The following TRMT2A variants were observed in gnomAD, a reference collection of about 807,000 sequenced individuals.
TRMT2A encodes the protein tRNA (uracil-5-)-methyltransferase homolog A.
Under a neutral mutation model 59.3 loss-of-function variants are expected in TRMT2A, and 60 were observed. The observed-to-expected ratio is 1.01, with a 90% CI of 0.82 to 1.26. The LOEUF is 1.26. Ranked by LOEUF, TRMT2A falls within the 50% of genes most tolerant of loss-of-function variation. The pLI is 0.00. For synonymous variants in TRMT2A, 403 were observed against 353.7 expected (o/e 1.14, Z -1.56); for missense variants, 863 against 845.2 (o/e 1.02, Z -0.26).
intron 1 of TRMT2A, 58 bp from the exon 2 acceptor site, chr22:20,116,670 C>G: frequency 6.7e-7 from 1 of 1,503,660 alleles, no homozygotes; most frequent in Non-Finnish European, 8.9e-7. Flanking sequence ...GCCTGGCCCC[C>G]CAAGCTTCCT....
intron 7 of TRMT2A, among the ~76,000 whole-genome samples, chr22:20,114,122 A>G (rs114430300): frequency 1.4e-3 from 213 of 151,998 alleles, no homozygotes; most frequent in African/African-American, 5.0e-3. Context: ...GCCTCCCACA[A>G]CTCACACCGG....
In TRMT2A at chr22:20,115,718, T is replaced by C. The variant is rs1568973506; in HGVS notation, c.662A>G (p.Asn221Ser). Residue 221 changes from asparagine to serine, a missense_variant, in exon 3 of 12, where the codon AAC (asparagine) becomes AGC (serine). Asn to Ser is a conservative substitution (Grantham distance 46, BLOSUM62 1). Coordinates refer to ENST00000252136, the MANE Select transcript of TRMT2A (RefSeq NM_022727.6). ...PWLLEQRHKHNKACCPLEGVR... is the reference protein window; with the variant it reads ...PWLLEQRHKHSKACCPLEGVR... ...CCCCTCCAGCGGGCAGCAGGCCTTGTTGTGCTTGTGCCTCTGCTCGAGCAG... is the reference window on the plus strand; with the variant it reads ...CCCCTCCAGCGGGCAGCAGGCCTTGCTGTGCTTGTGCCTCTGCTCGAGCAG... 3 of 1,613,006 alleles carry C rather than the reference T, an allele frequency of 1.9e-6. No individual in the cohort carries two copies. The highest frequency in any genetic ancestry group is 1.7e-6 in the Non-Finnish European group (2 of 1,179,988).
chr22:20,114,465 G>A (rs1352988491), intron 7 of TRMT2A, 109 bp downstream of exon 7: 1 of 922,366 alleles, frequency 1.1e-6, no homozygotes, highest in African/African-American at 1.6e-5. Flanking sequence ...TCACCTGCCT[G>A]GATACTCCCC....
At position 20,112,260 on chromosome 22, in the gene TRMT2A, G is replaced by C. The variant is rs1203843105; in HGVS notation, c.*303C>G. The C allele has an allele frequency of 2.3e-6, 1 of 427,486 alleles. No homozygotes were observed. The highest frequency in any genetic ancestry group is 2.0e-5 in the African/African-American group (1 of 50,198). 26.5% of individuals were successfully genotyped at this position (427,486 alleles called of 1,614,324 possible). Reference sequence around the variant, plus strand: ...GTTTGGCCCTTTCCCTGGCACCCAGGCCCTGTGTTCAGACCCCTGGCTCTC... The same window carrying C: ...GTTTGGCCCTTTCCCTGGCACCCAGCCCCTGTGTTCAGACCCCTGGCTCTC... On this transcript the variant is annotated 3_prime_UTR_variant, in exon 12 of 12. Coordinates refer to ENST00000252136, the MANE Select transcript of TRMT2A (RefSeq NM_022727.6).
At position 20,115,012 on chromosome 22, in the gene TRMT2A, T is replaced by C; in HGVS notation, c.958A>G (p.Thr320Ala). ...GCCATGGCCTGGTGGCGGCGGCTGG[T>C]GCGCACAGTCAGCTGCTTCCAGTGG... The part of the protein sequence containing the change: ...TGHWKQLTVR[T>A]SRRHQAMAIA... Residue 320 changes from threonine (T) to alanine (A), a missense_variant, in exon 5 of 12, where the codon ACC (threonine) becomes GCC (alanine). Coordinates refer to ENST00000252136, the MANE Select transcript of TRMT2A (RefSeq NM_022727.6). The C allele has an allele frequency of 6.3e-7, 1 of 1,597,954 alleles. No homozygotes were observed. Among genetic ancestry groups the C allele is most frequent in the Non-Finnish European group, 8.5e-7 (1 of 1,174,734 alleles).
Position 20,112,449 on chromosome 22 carries a change from G to C in TRMT2A, c.*114C>G. The C allele has an allele frequency of 1.5e-6, 2 of 1,328,510 alleles. No individual in the cohort carries two copies. The highest frequency in any genetic ancestry group is 1.0e-6 in the Non-Finnish European group (1 of 982,528). The allele number at this position is 1,328,510 out of a possible 1,614,324, so 82.3% of individuals were successfully genotyped here. A position where few individuals can be genotyped will look rare whatever the true frequency, so the allele number is the denominator to read the frequency against. ...CAGGCCAATCCTGGTGGGGCACAGG[G>C]TTCTGTGCCCTTTGGCTGCCTACCT... On this transcript the variant is annotated 3_prime_UTR_variant, in exon 12 of 12. Transcript: ENST00000252136.
chr22:20,114,923 C>T, intron 5 of TRMT2A, 42 bp downstream of exon 5: 3 of 1,568,256 alleles, frequency 1.9e-6, no homozygotes, highest in Non-Finnish European at 2.6e-6. Context: ...CTGAGGCCCA[C>T]CTAGGCTAGG....
intron 7 of TRMT2A, 27 bp from the exon 8 acceptor site, chr22:20,113,835 C>A: frequency 6.5e-7 from 1 of 1,534,000 alleles, no homozygotes; most frequent in South Asian, 1.2e-5. Flanking sequence ...CCCAGGATGT[C>A]AGTGGCTCCT....
chr22:20,112,393 C>G lies in TRMT2A; in HGVS notation c.*170G>C. ...CAACAGGCTACAGGAACCCACCTGTCTTCCTGGTCAGGGCCCCTGGCCCCT... is the reference window on the plus strand; with the variant it reads ...CAACAGGCTACAGGAACCCACCTGTGTTCCTGGTCAGGGCCCCTGGCCCCT... On this transcript the variant is annotated 3_prime_UTR_variant, in exon 12 of 12. Transcript: ENST00000252136. 1.1e-6 allele frequency: 1 copy of G among 871,452 alleles called. No homozygotes were observed. The highest frequency in any genetic ancestry group is 2.7e-5 in the East Asian group (1 of 37,356). The allele number at this position is 871,452 out of a possible 1,614,324, so 54.0% of individuals were successfully genotyped here.
chr22:20,117,106 TC>T lies in TRMT2A; in HGVS notation c.-201del. ...GGGGCGGGACTCGAACCTGCGATGC[TC>T]AGGTCCGGGTCTCAGGCTTGGGGCT... On this transcript the variant is annotated 5_prime_UTR_variant, in exon 1 of 12. Transcript: ENST00000252136. 1 of 697,386 alleles carries T rather than the reference TC, an allele frequency of 1.4e-6. No homozygotes were observed. The highest frequency in any genetic ancestry group is 2.4e-6 in the Non-Finnish European group (1 of 423,536). 43.2% of individuals were successfully genotyped at this position (697,386 alleles called of 1,614,324 possible).
Position 20,114,801 on chromosome 22 carries a change from T to C in TRMT2A, c.1081A>G (p.Ser361Gly). The change falls in exon 6 of 12, where the codon AGT becomes GGT. Residue 361 changes from serine (S) to glycine (G), a missense_variant. Coordinates refer to ENST00000252136, the MANE Select transcript of TRMT2A (RefSeq NM_022727.6). ...QHFTAGPGRA[S>G]GVTCLYFVEE... is the part of the protein sequence containing the mutation. The stretch of plus-strand genomic sequence containing the variant: ...ACGAAGTAGAGGCAGGTCACTCCAC[T>C]GGCCCTGCCTGGCCCTGCTGTGAAG... The C allele has an allele frequency of 6.2e-7, 1 of 1,609,424 alleles. No homozygotes were observed. The highest frequency in any genetic ancestry group is 8.5e-7 in the Non-Finnish European group (1 of 1,179,054).
intron 2 of TRMT2A, 111 bp downstream of exon 2, chr22:20,115,927 A>G (rs2049999962): frequency 7.7e-6 from 11 of 1,422,290 alleles, no homozygotes; most frequent in South Asian, 2.8e-5. Context: ...CTAGCTCCCA[A>G]AGGGGCCGCC....
rs2050046105 is a variant in TRMT2A at position 20,116,964 on chromosome 22, G to T, written c.-58C>A. On this transcript the variant is annotated 5_prime_UTR_variant, in exon 1 of 12. Transcript: ENST00000252136. ...GCCATGGGGGCCGCCTGGCCACCTCGTCCTGGGCCTGTCACAAGGGAAGTG... is the reference window on the plus strand; with the variant it reads ...GCCATGGGGGCCGCCTGGCCACCTCTTCCTGGGCCTGTCACAAGGGAAGTG... 8 of 1,560,736 alleles carry T rather than the reference G, an allele frequency of 5.1e-6. 1 individual carries two copies. Among genetic ancestry groups the T allele is most frequent in the South Asian group, 2.4e-5 (2 of 85,014 alleles).
At chr22:20,116,833 CCT>C in intron 1 of TRMT2A, 48 bp downstream of exon 1, 1 of 1,527,692 alleles carries the variant, frequency 6.5e-7, no homozygotes, top group Non-Finnish European at 9.0e-7. Flanking sequence ...ACCCACCCCG[CCT>C]CCTCCCACCC....
chr22:20,116,484 T>C lies in TRMT2A; in HGVS notation c.153A>G (p.Thr51=). 6.2e-7 allele frequency: 1 copy of C among 1,612,824 alleles called. No homozygotes were observed. ...EVEKEGAGAA[T]GPGPQPGLYS... is the part of the protein sequence containing the mutation. ...AGAGCCCGGGCTGAGGCCCCGGCCCTGTAGCCGCCCCAGCGCCCTCTTTCT... is the reference window on the plus strand; with the variant it reads ...AGAGCCCGGGCTGAGGCCCCGGCCCCGTAGCCGCCCCAGCGCCCTCTTTCT... Residue 51 remains threonine, a synonymous_variant, in exon 2 of 12, where the codon ACA becomes ACG. Coordinates refer to ENST00000252136, the MANE Select transcript of TRMT2A (RefSeq NM_022727.6).
chr22:20,116,822 G>GT, intron 1 of TRMT2A, 61 bp downstream of exon 1: 5 of 1,408,396 alleles, frequency 3.6e-6, no homozygotes, highest in Non-Finnish European at 3.9e-6. Flanking sequence ...CAGGTTTCCT[G>GT]ACCCACCCCG....
Position 20,112,344 on chromosome 22 carries a change from G to A in TRMT2A, c.*219C>T. The stretch of plus-strand genomic sequence containing the variant: ...ATTCTGGCCCTCACAGCCTTGGCTA[G>A]TCCACAAAGGCCCTGGGGATGGGCA... On this transcript the variant is annotated 3_prime_UTR_variant, in exon 12 of 12. Coordinates refer to ENST00000252136, the MANE Select transcript of TRMT2A (RefSeq NM_022727.6). The A allele has an allele frequency of 1.6e-6, 1 of 607,480 alleles. No individual in the cohort carries two copies. The highest frequency in any genetic ancestry group is 2.8e-5 in the East Asian group (1 of 35,818). The allele number at this position is 607,480 out of a possible 1,614,324, so 37.6% of individuals were successfully genotyped here. A position where few individuals can be genotyped will look rare whatever the true frequency, so the allele number is the denominator to read the frequency against.
At chr22:20,115,945 G>A (rs2050001050) in intron 2 of TRMT2A, 93 bp downstream of exon 2, 2 of 1,461,738 alleles carry the variant, frequency 1.4e-6, no homozygotes, top group African/African-American at 1.4e-5. Context: ...GCCAGATCCT[G>A]TGCTGGGCCT....
intron 6 of TRMT2A, 25 bp from the exon 7 acceptor site, chr22:20,114,710 C>T: frequency 2.5e-6 from 4 of 1,611,818 alleles, no homozygotes; most frequent in Non-Finnish European, 3.4e-6. Context: ...GCAGGTCCTT[C>T]AGTGTCACAG....
Sources: allele counts gnomAD v4.1 joint callset (sites outside exome capture counted in the v4.1 genomes callset), GRCh38; gene constraint gnomAD v4.1.1; transcripts MANE v1.5; gene names NCBI Gene and HGNC (gene_info 2026-07-23, HGNC 2026-07-21).